KIFC3: variants seen among roughly 807,000 people sequenced by gnomAD.
KIFC3 encodes the protein kinesin-like protein KIFC3.
A neutral mutation model predicts 101.8 loss-of-function variants in KIFC3; 60 were observed. The ratio of observed to expected loss-of-function variants is 0.59; its 90% confidence interval spans 0.48 to 0.73. KIFC3 has a LOEUF of 0.73. Ranked by LOEUF, KIFC3 falls within the 30% of genes least tolerant of loss-of-function variation. KIFC3 has a pLI of 0.00. For missense variants in KIFC3, 966 were observed against 1,137.1 expected (o/e 0.85, Z 2.16); for synonymous variants, 476 against 482.7 (o/e 0.99, Z 0.18).
intron 1 of KIFC3, among the ~76,000 whole-genome samples, chr16:57,854,423 T>A (rs1188291872): frequency 5.9e-5 from 9 of 151,276 alleles, no homozygotes; most frequent in African/African-American, 2.2e-4. Context: ...AGGTCAGGAG[T>A]TCGAGACCAG....
rs1331734826 is a variant in KIFC3 at position 57,759,002 on chromosome 16, G to C, written c.*25-93C>G. ...GAGAGCAGGAGGGAACCCAGCAAAA[G>C]CACATAGACAAGCGACAGCAGGGGC... is the stretch of plus-strand genomic sequence containing the variant. On this transcript the variant is annotated intron_variant, in intron 19 of 19. Coordinates refer to ENST00000445690, the MANE Select transcript of KIFC3 (RefSeq NM_001130100.2). 4 of 1,535,450 alleles carry C rather than the reference G, an allele frequency of 2.6e-6. No homozygotes were observed. The Admixed American group carries it at 5.9e-5, about 23-fold the overall frequency.
In KIFC3 at chr16:57,798,508, G is replaced by T. The variant is rs2054519416; in HGVS notation, c.-39-226C>A. 6 of 585,356 alleles carry T rather than the reference G, an allele frequency of 1.0e-5. No individual in the cohort carries two copies. The South Asian group carries it at 1.2e-4, about 12-fold the overall frequency. The allele number at this position is 585,356 out of a possible 1,614,324, so 36.3% of individuals were successfully genotyped here. ...TCCGAATACGGAGGCTCCGAAGTGC[G>T]AAAGTTGCATATCAGCTGTGCCTGA... On this transcript the variant is annotated intron_variant, in intron 1 of 19. Transcript: ENST00000445690.
rs150428239 is a variant in KIFC3, at chr16:57,815,041, A to G, written c.109-16759T>C. Among the ~76,000 whole-genome samples the G allele has an allele frequency of 1.5e-4, 23 of 152,288 alleles. No homozygotes were observed. In the East Asian group the frequency reaches 4.4e-3, roughly 29 times the overall value. On this transcript the variant is annotated intron_variant, in intron 1 of 2. Transcript: ENST00000563028. Reference sequence around the variant, plus strand: ...TTAGGTAGGAAGGAATTTCAGAAACAGAGTTCTGCACATGCTCTAGGACAC... The same window carrying G: ...TTAGGTAGGAAGGAATTTCAGAAACGGAGTTCTGCACATGCTCTAGGACAC...
intron 1 of KIFC3, among the ~76,000 whole-genome samples, chr16:57,859,959 T>C (rs1435835101): frequency 6.7e-6 from 1 of 149,762 alleles, no homozygotes; most frequent in Non-Finnish European, 1.5e-5. Context: ...GAGGCAGAGG[T>C]TACAGAGAGT....
chr16:57,834,707 G>C (rs79505070), intron 1 of KIFC3, among the ~76,000 whole-genome samples: 1 of 151,900 alleles, frequency 6.6e-6, no homozygotes. Context: ...TGTAGAGACC[G>C]GGTCTCACTA....
chr16:57,804,562 C>T (rs2054889203), upstream of KIFC3, among the ~76,000 whole-genome samples: 1 of 152,262 alleles, frequency 6.6e-6, no homozygotes, highest in Admixed American at 6.5e-5. Flanking sequence ...AGCAAAACTC[C>T]GATTTGAAAC....
intron 3 of KIFC3, chr16:57,776,213 G>A (rs1333352880): frequency 1.0e-6 from 1 of 985,404 alleles, no homozygotes; most frequent in Non-Finnish European, 1.2e-6. Context: ...GAGCTGGGAA[G>A]GCCAGAGGGT....
At chr16:57,778,772 G>A (rs1432499223) in intron 3 of KIFC3, among the ~76,000 whole-genome samples, 2 of 152,122 alleles carry the variant, frequency 1.3e-5, no homozygotes, top group African/African-American at 4.8e-5. Context: ...AAATAAGCAG[G>A]AGCGAGTCCC....
intron 3 of KIFC3, chr16:57,788,682 T>C: frequency 1.6e-6 from 2 of 1,289,630 alleles, no homozygotes; most frequent in Non-Finnish European, 1.0e-6. Flanking sequence ...CCCCTGACTC[T>C]GGCTCTTGCA....
intron 1 of KIFC3, among the ~76,000 whole-genome samples, chr16:57,828,655 C>T (rs1485493648): frequency 6.6e-6 from 1 of 152,222 alleles, no homozygotes; most frequent in African/African-American, 2.4e-5. Flanking sequence ...CCTGAGGACC[C>T]TTCAGGCCCT....
In KIFC3 at chr16:57,770,047, C is replaced by T. The variant is rs1418878912; in HGVS notation, c.940-92G>A. The T allele has an allele frequency of 3.6e-6, 5 of 1,408,146 alleles. No individual in the cohort carries two copies. In the East Asian group the frequency reaches 6.9e-5, roughly 19 times the overall value. The allele number at this position is 1,408,146 out of a possible 1,614,324, so 87.2% of individuals were successfully genotyped here. A position where few individuals can be genotyped will look rare whatever the true frequency, so the allele number is the denominator to read the frequency against. Reference sequence around the variant, plus strand: ...AGAAAGAAACTGGTCACCTCCCATGCACATGAACACACATGCACACACACA... The same window carrying T: ...AGAAAGAAACTGGTCACCTCCCATGTACATGAACACACATGCACACACACA... On this transcript the variant is annotated intron_variant, in intron 7 of 19. Coordinates refer to ENST00000445690, the MANE Select transcript of KIFC3 (RefSeq NM_001130100.2).
rs534173077 is a variant in KIFC3 at position 57,770,610 on chromosome 16, C to T, written c.856G>A (p.Val286Met). Residue 286 changes from valine to methionine, a missense_variant, in exon 7 of 20, where the codon GTG becomes ATG. Coordinates refer to ENST00000445690, the MANE Select transcript of KIFC3 (RefSeq NM_001130100.2). ...TTCAGCACCTGCCTCTGCATAGCCA[C>T]CTGCTCCTGCAGGTGCTGGTTCCGG... The part of the protein sequence containing the change: ...QARNQHLQEQ[V>M]AMQRQVLKEM... 2.1e-5 allele frequency: 32 copies of T among 1,544,184 alleles called. No homozygotes were observed. The Middle Eastern group carries it at 1.8e-3, about 89-fold the overall frequency.
intron 3 of KIFC3, among the ~76,000 whole-genome samples, chr16:57,793,968 G>A (rs2054095342): frequency 6.6e-6 from 1 of 152,102 alleles, no homozygotes; most frequent in Non-Finnish European, 1.5e-5. Flanking sequence ...TCTCTGCCCT[G>A]TTACAAGGCT....
chr16:57,853,561 AC>A, intron 1 of KIFC3, among the ~76,000 whole-genome samples: 1 of 152,358 alleles, frequency 6.6e-6, no homozygotes, highest in Non-Finnish European at 1.5e-5. Context: ...ATTAATAATC[AC>A]ATTAAGTGTA....
Position 57,797,681 on chromosome 16 carries a change from T to A in KIFC3, c.172+391A>T. ...AGGATCAAGTGTCAGCGGCGCTTGG[T>A]GCCCAGGCAGCCACTTCACCTACCT... On this transcript the variant is annotated intron_variant, in intron 2 of 19. Coordinates refer to ENST00000445690, the MANE Select transcript of KIFC3 (RefSeq NM_001130100.2). 4 of 1,128,732 alleles carry A rather than the reference T, an allele frequency of 3.5e-6. No homozygotes were observed. The South Asian group carries it at 8.6e-5, about 24-fold the overall frequency. 69.9% of individuals were successfully genotyped at this position (1,128,732 alleles called of 1,614,324 possible).
Position 57,769,913 on chromosome 16 carries a change from T to G in KIFC3, c.982A>C (p.Met328Leu). 1 of 1,613,838 alleles carries G rather than the reference T, an allele frequency of 6.2e-7. No individual in the cohort carries two copies. Among genetic ancestry groups the G allele is most frequent in the Non-Finnish European group, 8.5e-7 (1 of 1,180,018 alleles). The change falls in exon 8 of 20, where the codon ATG becomes CTG. Residue 328 changes from methionine (M) to leucine (L), a missense_variant. By Grantham distance (15) the Met-to-Leu change is conservative. This residue lies in a region of KIFC3 where 689 missense variants were observed against 884.6 expected (regional missense o/e 0.78). Transcript: ENST00000445690. The surrounding 1 kb of genome is among the most constrained non-coding windows in gnomAD (Gnocchi z 4.3). ...TCCAGGGACTGCATCTCCTCCAGCA[T>G]CTGCCCATGGGCCCGCTCCAGCTCT... ...ESELERAHGQ[M>L]LEEMQSLEED...
intron 1 of KIFC3, among the ~76,000 whole-genome samples, chr16:57,799,352 G>C (rs2054575851): frequency 6.6e-6 from 1 of 152,158 alleles, no homozygotes; most frequent in Non-Finnish European, 1.5e-5. Flanking sequence ...TTGAGGTGGG[G>C]GTAACTGAAG....
At chr16:57,817,420 C>T (rs1657013716) in intron 1 of KIFC3, among the ~76,000 whole-genome samples, 1 of 152,018 alleles carries the variant, frequency 6.6e-6, no homozygotes, top group Non-Finnish European at 1.5e-5. Flanking sequence ...TCTCTTACAG[C>T]TCTAGAGGCC....
At chr16:57,761,221 C>G (rs369754153) in intron 14 of KIFC3, 50 bp from the exon 15 acceptor site, 21 of 1,605,470 alleles carry the variant, frequency 1.3e-5, no homozygotes, top group Non-Finnish European at 2.6e-6. Context: ...ATGGGGTCCT[C>G]AGAGTCACCT....
Sources: gnomAD v4.1 joint callset for allele counts (sites outside exome capture counted in the v4.1 genomes callset) on GRCh38, gnomAD v4.1.1 for gene constraint, gnomAD v4.1.1 regional missense constraint, Gnocchi (gnomAD v3.1) non-coding constraint, MANE v1.5 for transcripts, NCBI Gene and HGNC (gene_info 2026-07-23, HGNC 2026-07-21) for gene names.